IL15RA: variants seen among roughly 807,000 people sequenced by gnomAD.
IL15RA encodes the protein interleukin 15 receptor subunit alpha, also known as interleukin-15 receptor subunit alpha.
IL15RA carries 26 observed loss-of-function variants against 24.2 expected under a neutral mutation model. The ratio of observed to expected loss-of-function variants is 1.07; its 90% CI spans 0.79 to 1.49. The LOEUF (loss-of-function observed/expected upper bound fraction) is 1.49, where lower values mean the gene tolerates loss of function less well. IL15RA is among the 40% of genes most tolerant of loss of function. IL15RA has a pLI of 0.00. For missense variants in IL15RA, 354 were observed against 356.4 expected, an observed-to-expected ratio of 0.99 and a Z score of 0.05; for synonymous variants, 166 against 157.6, an observed-to-expected ratio of 1.05 and a Z score of -0.40.
Position 5,977,517 on chromosome 10 carries a change from T to C in IL15RA, c.-25A>G. On this transcript the variant is annotated 5_prime_UTR_variant, in exon 1 of 7. Coordinates refer to ENST00000379977, the MANE Select transcript of IL15RA (RefSeq NM_002189.4). ...TGGCGGCAGCTCCACAGGACACCGC[T>C]GGACTCCCCGGGCGAGCGCTGCCCA... The C allele has an allele frequency of 7.5e-7, 1 of 1,325,526 alleles. No individual in the cohort carries two copies. Among genetic ancestry groups the C allele is most frequent in the Non-Finnish European group, 9.6e-7 (1 of 1,038,080 alleles). 82.1% of individuals were successfully genotyped at this position (1,325,526 alleles called of 1,614,324 possible). A position where few individuals can be genotyped will look rare whatever the true frequency, so the allele number is the denominator to read the frequency against.
Position 5,966,700 on chromosome 10 carries a change from TGCCTCCAGATAG to T in IL15RA, c.89-373_89-362del. 6.6e-6 allele frequency among the ~76,000 whole-genome samples: 1 copy of T among 152,228 alleles called. No individual in the cohort carries two copies. The highest frequency in any genetic ancestry group is 2.4e-5 in the African/African-American group (1 of 41,552). On this transcript the variant is annotated intron_variant, in intron 1 of 6. Coordinates refer to ENST00000379977, the MANE Select transcript of IL15RA (RefSeq NM_002189.4). The surrounding 1 kb of genome is among the most constrained non-coding windows in gnomAD (Gnocchi z 6.4). ...CCAATTCTCACTGAACGACAGCAAG[TGCCTCCAGATAG>T]GCCCCCTGCAGGCTCTCCCACAGGT...
At chr10:5,951,944 G>A (rs1017252720), downstream of IL15RA, among the ~76,000 whole-genome samples, 3 of 152,166 alleles carry the variant, frequency 2.0e-5, no homozygotes, top group African/African-American at 7.2e-5. Flanking sequence ...ACAGGTGTGA[G>A]TCACTGCGCC....
intron 6 of IL15RA, among the ~76,000 whole-genome samples, chr10:5,954,168 C>CTTTTTT (rs750550552): frequency 3.8e-5 from 4 of 105,244 alleles, no homozygotes; most frequent in Non-Finnish European, 5.7e-5. Context: ...ACCAATTCTT[C>CTTTTTT]TTTTTTTTTT....
Position 5,960,587 on chromosome 10 carries a change from A to G in IL15RA, c.383-20T>C. ...CGGGCTCTGTAGGAGAGTCCAAGGC[A>G]GGGACAACATCAGTGTGCAGACTCC... On this transcript the variant is annotated intron_variant, in intron 3 of 6. Coordinates refer to ENST00000379977, the MANE Select transcript of IL15RA (RefSeq NM_002189.4). This position sits in a 1 kb window ranked among gnomAD's most constrained non-coding sequence, Gnocchi z 5.1. 6.2e-7 allele frequency: 1 copy of G among 1,609,670 alleles called. No individual in the cohort carries two copies. Among genetic ancestry groups the G allele is most frequent in the East Asian group, 2.2e-5 (1 of 44,846 alleles).
rs1835084028 is a variant in IL15RA at position 5,959,214 on chromosome 10, C to G, written c.616+540G>C. ...AGAGATGGGGTCTTGCTATGTTGACCAGGCTGGCCTCAAATTCTGGCCTCA... is the reference window on the plus strand; with the variant it reads ...AGAGATGGGGTCTTGCTATGTTGACGAGGCTGGCCTCAAATTCTGGCCTCA... On this transcript the variant is annotated intron_variant, in intron 5 of 6. Coordinates refer to ENST00000379977, the MANE Select transcript of IL15RA (RefSeq NM_002189.4). This position sits in a 1 kb window ranked among gnomAD's most constrained non-coding sequence, Gnocchi z 4.1. 6.7e-6 allele frequency among the ~76,000 whole-genome samples: 1 copy of G among 148,844 alleles called. No homozygotes were observed. The highest frequency in any genetic ancestry group is 1.5e-5 in the Non-Finnish European group (1 of 67,418).
rs1837338287 is a variant in IL15RA, at chr10:5,970,157, A to C, written c.89-3818T>G. On this transcript the variant is annotated intron_variant, in intron 1 of 6. Transcript: ENST00000379977. This position sits in a 1 kb window ranked among gnomAD's most constrained non-coding sequence, Gnocchi z 4.1. ...ATCTCCTTTGTTGGTTATTAACTAT[A>C]ACTCGTTGTACTAGTTTAGTGGTTG... 6.6e-6 allele frequency among the ~76,000 whole-genome samples: 1 copy of C among 152,174 alleles called. No individual in the cohort carries two copies. The highest frequency in any genetic ancestry group is 6.5e-5 in the Admixed American group (1 of 15,280).
rs41294033 is a variant in IL15RA at position 5,953,065 on chromosome 10, C to T, written c.*30G>A. ...CTAAAGCAGAGAGGCTCCTTCACTC[C>T]GGACTTAGCTGGGCTGGTTTCCCCG... On this transcript the variant is annotated 3_prime_UTR_variant, in exon 7 of 7. Coordinates refer to ENST00000379977, the MANE Select transcript of IL15RA (RefSeq NM_002189.4). This position sits in a 1 kb window ranked among gnomAD's most constrained non-coding sequence, Gnocchi z 5.3. 1.1e-4 allele frequency: 172 copies of T among 1,514,914 alleles called. No individual in the cohort carries two copies. The highest frequency in any genetic ancestry group is 4.0e-4 in the South Asian group (36 of 89,050). The allele number at this position is 1,514,914 out of a possible 1,614,324, so 93.8% of individuals were successfully genotyped here. A position where few individuals can be genotyped will look rare whatever the true frequency, so the allele number is the denominator to read the frequency against.
At position 5,958,671 on chromosome 10, in the gene IL15RA, G is replaced by A. The variant is rs1198599463; in HGVS notation, c.616+1083C>T. Among the ~76,000 whole-genome samples, 1 of 152,178 alleles carries A rather than the reference G, an allele frequency of 6.6e-6. No individual in the cohort carries two copies. Among genetic ancestry groups the A allele is most frequent in the East Asian group, 1.9e-4 (1 of 5,194 alleles). ...CAAACTGCTGGGATTATAGGTGTGA[G>A]CTACCTCGCCCAGCCTGATTGTTTT... On this transcript the variant is annotated intron_variant, in intron 5 of 6. Coordinates refer to ENST00000379977, the MANE Select transcript of IL15RA (RefSeq NM_002189.4). This position sits in a 1 kb window ranked among gnomAD's most constrained non-coding sequence, Gnocchi z 4.3.
At position 5,961,427 on chromosome 10, in the gene IL15RA, G is replaced by GAAAAT. The variant is rs986362729; in HGVS notation, c.383-861_383-860insATTTT. On this transcript the variant is annotated intron_variant, in intron 3 of 6. Coordinates refer to ENST00000379977, the MANE Select transcript of IL15RA (RefSeq NM_002189.4). This position sits in a 1 kb window ranked among gnomAD's most constrained non-coding sequence, Gnocchi z 5.2. ...CTCTTAAAAAAAAAGGTGGGGGGAA[G>GAAAAT]AAAAGAAAAGGTGTCAAAGATCTGA... 6.6e-6 allele frequency among the ~76,000 whole-genome samples: 1 copy of GAAAAT among 151,694 alleles called. No homozygotes were observed. Among genetic ancestry groups the GAAAAT allele is most frequent in the Non-Finnish European group, 1.5e-5 (1 of 67,918 alleles).
chr10:5,972,993 G>T (rs1361313895), intron 1 of IL15RA, among the ~76,000 whole-genome samples: 1 of 152,172 alleles, frequency 6.6e-6, no homozygotes. Flanking sequence ...ACAACCCCAA[G>T]TGCACTTACA....
chr10:5,969,969 T>C (rs1428040882), intron 1 of IL15RA, among the ~76,000 whole-genome samples: 3 of 152,348 alleles, frequency 2.0e-5, no homozygotes, highest in African/African-American at 7.2e-5. Flanking sequence ...TTTCTTATTG[T>C]TTGTTGCTAG....
rs1838348807 is a variant in IL15RA at position 5,975,789 on chromosome 10, A to G, written c.88+1616T>C. 6.6e-6 allele frequency among the ~76,000 whole-genome samples: 1 copy of G among 152,152 alleles called. No individual in the cohort carries two copies. The highest frequency in any genetic ancestry group is 1.5e-5 in the Non-Finnish European group (1 of 68,022). ...TCGCCTGTAATCCCAGCTACTCAGGAGGCTGAGGCAGCAGAATCGCTTGAA... is the reference window on the plus strand; with the variant it reads ...TCGCCTGTAATCCCAGCTACTCAGGGGGCTGAGGCAGCAGAATCGCTTGAA... On this transcript the variant is annotated intron_variant, in intron 1 of 6. Transcript: ENST00000379977. The surrounding 1 kb of genome is among the most constrained non-coding windows in gnomAD (Gnocchi z 4.8).
rs1367812613 is a variant in IL15RA, at chr10:5,973,626, AAAC to A, written c.88+3776_88+3778del. Among the ~76,000 whole-genome samples the A allele has an allele frequency of 1.3e-5, 2 of 152,234 alleles. No individual in the cohort carries two copies. Among genetic ancestry groups the A allele is most frequent in the Non-Finnish European group, 2.9e-5 (2 of 68,044 alleles). ...ATATATAGAAACAAACAAAATCCCA[AAAC>A]AACCTTTAATTCATGCCTCACATTA... On this transcript the variant is annotated intron_variant, in intron 1 of 6. Coordinates refer to ENST00000379977, the MANE Select transcript of IL15RA (RefSeq NM_002189.4). This position sits in a 1 kb window ranked among gnomAD's most constrained non-coding sequence, Gnocchi z 4.5.
In IL15RA at chr10:5,963,687, GGC is replaced by G; in HGVS notation, c.382+54_382+55del. 1 of 1,126,202 alleles carries G rather than the reference GGC, an allele frequency of 8.9e-7. No individual in the cohort carries two copies. The highest frequency in any genetic ancestry group is 1.2e-6 in the Non-Finnish European group (1 of 810,794). 69.8% of individuals were successfully genotyped at this position (1,126,202 alleles called of 1,614,324 possible). A position where few individuals can be genotyped will look rare whatever the true frequency, so the allele number is the denominator to read the frequency against. On this transcript the variant is annotated intron_variant, in intron 3 of 6. Coordinates refer to ENST00000379977, the MANE Select transcript of IL15RA (RefSeq NM_002189.4). The surrounding 1 kb of genome is among the most constrained non-coding windows in gnomAD (Gnocchi z 5.3). The stretch of plus-strand genomic sequence containing the variant: ...CGTGAGTCTGCAGGATTGGTGAGCG[GGC>G]CTCTGGGTGTTGGGAGGGAATGAAT...
chr10:5,949,467 C>T (rs567553140), downstream of IL15RA: 20 of 447,176 alleles, frequency 4.5e-5, no homozygotes, highest in East Asian at 1.4e-4. This position sits in a 1 kb window ranked among gnomAD's most constrained non-coding sequence, Gnocchi z 4.4. Flanking sequence ...TGATTTGGGT[C>T]GGGCTGGTCC....
chr10:5,975,492 A>C lies in IL15RA; in HGVS notation c.88+1913T>G, dbSNP rs988216656. Among the ~76,000 whole-genome samples, 3 of 151,058 alleles carry C rather than the reference A, an allele frequency of 2.0e-5. No homozygotes were observed. Among genetic ancestry groups the C allele is most frequent in the African/African-American group, 7.4e-5 (3 of 40,414 alleles). Reference sequence around the variant, plus strand: ...CACTCTTGGTGGTGGCAGTGGTTTCATGAGTATGTATGCATTTACCTCCAA... The same window carrying C: ...CACTCTTGGTGGTGGCAGTGGTTTCCTGAGTATGTATGCATTTACCTCCAA... On this transcript the variant is annotated intron_variant, in intron 1 of 6. Transcript: ENST00000379977. This position sits in a 1 kb window ranked among gnomAD's most constrained non-coding sequence, Gnocchi z 4.8.
downstream of IL15RA, among the ~76,000 whole-genome samples, chr10:5,951,724 A>G (rs1298920406): frequency 2.0e-5 from 3 of 152,008 alleles, no homozygotes; most frequent in Admixed American, 2.0e-4. Context: ...GCTACTTGGG[A>G]GGCTGAGGTA....
downstream of IL15RA, among the ~76,000 whole-genome samples, chr10:5,951,816 C>G (rs1007082129): frequency 1.3e-5 from 2 of 152,178 alleles, no homozygotes; most frequent in Non-Finnish European, 2.9e-5. Context: ...CAGAGCAAGA[C>G]TGCTTCAAGA....
chr10:5,949,788 G>GTCT (rs1833748256), downstream of IL15RA, among the ~76,000 whole-genome samples: 1 of 152,118 alleles, frequency 6.6e-6, no homozygotes, highest in Non-Finnish European at 1.5e-5. This position sits in a 1 kb window ranked among gnomAD's most constrained non-coding sequence, Gnocchi z 4.4. Context: ...TAAAAAAGTG[G>GTCT]TGGGGGGAGT....
Sources: allele counts gnomAD v4.1 joint callset (sites outside exome capture counted in the v4.1 genomes callset), GRCh38; gene constraint gnomAD v4.1.1; non-coding constraint Gnocchi (gnomAD v3.1); transcripts MANE v1.5; gene names NCBI Gene and HGNC (gene_info 2026-07-23, HGNC 2026-07-21).